Variants in ABHD13 observed in about 807,000 individuals in gnomAD.
ABHD13 encodes abhydrolase domain containing 13.
In ABHD13, 7 loss-of-function variants were observed where a neutral mutation model predicts 25.2. That is an observed-to-expected ratio of 0.28 (90% CI 0.16 to 0.52). The LOEUF (loss-of-function observed/expected upper bound fraction) is 0.52. ABHD13 is among the 20% of genes least tolerant of loss of function. ABHD13 has a pLI of 0.96. For synonymous variants in ABHD13, 133 were observed against 136.1 expected, an observed-to-expected ratio of 0.98 and a Z score of 0.16; for missense variants, 302 against 402.7, an observed-to-expected ratio of 0.75 and a Z score of 2.14.
At chr13:108,221,895 G>A (rs1166179323) in intron 1 of ABHD13, among the ~76,000 whole-genome samples, 1 of 151,240 alleles carries the variant, frequency 6.6e-6, no homozygotes, top group African/African-American at 2.4e-5. Context: ...TTGGAGTGCA[G>A]TGGCACGATC....
chr13:108,228,526 T>A (rs1879719909), intron 1 of ABHD13, among the ~76,000 whole-genome samples: 1 of 151,920 alleles, frequency 6.6e-6, no homozygotes, highest in African/African-American at 2.4e-5. Context: ...TTTAAGCAAA[T>A]TATTTAAGTT....
At position 108,229,250 on chromosome 13, in the gene ABHD13, T is replaced by C. The variant is rs1206257094; in HGVS notation, c.32T>C (p.Val11Ala). The C allele has an allele frequency of 6.4e-7, 1 of 1,569,272 alleles. No homozygotes were observed. The highest frequency in any genetic ancestry group is 1.4e-5 in the African/African-American group (1 of 72,912). Residue 11 changes from valine to alanine, a missense_variant, in exon 2 of 2, where the codon GTT (valine) becomes GCT (alanine). By Grantham distance (64) the Val-to-Ala change is moderately conservative. Coordinates refer to ENST00000375898, the MANE Select transcript of ABHD13 (RefSeq NM_032859.3). The surrounding 1 kb of genome is among the most constrained non-coding windows in gnomAD (Gnocchi z 4.7). MEKSWMLWNFVERWLIALASW... is the reference protein window; with the variant it reads MEKSWMLWNFAERWLIALASW... Reference sequence around the variant, plus strand: ...AAGTCCTGGATGCTGTGGAACTTTGTTGAAAGATGGCTAATAGCCTTGGCT... The same window carrying C: ...AAGTCCTGGATGCTGTGGAACTTTGCTGAAAGATGGCTAATAGCCTTGGCT...
chr13:108,218,865 G>A (rs1879463232), intron 1 of ABHD13, among the ~76,000 whole-genome samples: 1 of 151,990 alleles, frequency 6.6e-6, no homozygotes, highest in Admixed American at 6.5e-5. Flanking sequence ...AGCCCGGGGT[G>A]CAGCCCTGCC....
In ABHD13 at chr13:108,231,992, G is replaced by A. The variant is rs1268948043; in HGVS notation, c.*1760G>A. Reference sequence around the variant, plus strand: ...TTAAAGATTATTCTTGTCAGTCCTTGCTATGTAGAATGACTATTCTAAATA... The same window carrying A: ...TTAAAGATTATTCTTGTCAGTCCTTACTATGTAGAATGACTATTCTAAATA... On this transcript the variant is annotated 3_prime_UTR_variant, in exon 2 of 2. Transcript: ENST00000375898. The A allele has an allele frequency of 6.0e-6, 1 of 166,608 alleles. No homozygotes were observed. The highest frequency in any genetic ancestry group is 2.4e-5 in the African/African-American group (1 of 41,356). 10.3% of individuals were successfully genotyped at this position (166,608 alleles called of 1,614,324 possible).
intron 1 of ABHD13, among the ~76,000 whole-genome samples, chr13:108,224,733 GA>G (rs1217330411): frequency 1.3e-5 from 2 of 152,058 alleles, no homozygotes; most frequent in Non-Finnish European, 2.9e-5. Flanking sequence ...ACCCGTCATG[GA>G]CTTAAATTTA....
intron 1 of ABHD13, among the ~76,000 whole-genome samples, chr13:108,223,392 T>C (rs565196584): frequency 2.6e-5 from 4 of 152,382 alleles, no homozygotes; most frequent in African/African-American, 9.6e-5. Context: ...AATTCAAATG[T>C]ATTTCAATAC....
chr13:108,221,622 TA>T (rs2139008819), intron 1 of ABHD13, among the ~76,000 whole-genome samples: 1 of 152,310 alleles, frequency 6.6e-6, no homozygotes, highest in Admixed American at 6.5e-5. Flanking sequence ...TTCCCAAAAT[TA>T]TCAATCTAGG....
chr13:108,218,783 G>T (rs1347754343), intron 1 of ABHD13, 124 bp downstream of exon 1: 2 of 151,520 alleles, frequency 1.3e-5, no homozygotes, highest in African/African-American at 4.9e-5. Flanking sequence ...AGGCTGTGGG[G>T]GGAGCCCCGG....
rs1879835156 is a variant in ABHD13 at position 108,232,779 on chromosome 13, G to T, written c.*2547G>T. 1 of 166,700 alleles carries T rather than the reference G, an allele frequency of 6.0e-6. No individual in the cohort carries two copies. The highest frequency in any genetic ancestry group is 1.5e-5 in the Non-Finnish European group (1 of 67,976). 10.3% of individuals were successfully genotyped at this position (166,700 alleles called of 1,614,324 possible). A position where few individuals can be genotyped will look rare whatever the true frequency, so the allele number is the denominator to read the frequency against. On this transcript the variant is annotated 3_prime_UTR_variant, in exon 2 of 2. Coordinates refer to ENST00000375898, the MANE Select transcript of ABHD13 (RefSeq NM_032859.3). ...AAAATCTCACATCCATTATTTTAAA[G>T]GGAATGATTGGGGGGAAAAACTGGT...
chr13:108,229,415 A>G lies in ABHD13; in HGVS notation c.197A>G (p.Tyr66Cys). The change falls in exon 2 of 2, where the codon TAT (tyrosine) becomes TGT (cysteine). Residue 66 changes from tyrosine to cysteine, a missense_variant. Physicochemically the swap from Tyr to Cys is radical, Grantham distance 194. Coordinates refer to ENST00000375898, the MANE Select transcript of ABHD13 (RefSeq NM_032859.3). This position sits in a 1 kb window ranked among gnomAD's most constrained non-coding sequence, Gnocchi z 4.7. ...TATAAATTCCAGGATGTATTGCTTT[A>G]TTTTCCAGAACAGCCATCCTCTTCA... is the stretch of plus-strand genomic sequence containing the variant. ...ILYKFQDVLL[Y>C]FPEQPSSSRL... The G allele has an allele frequency of 6.2e-7, 1 of 1,612,418 alleles. No homozygotes were observed. Among genetic ancestry groups the G allele is most frequent in the Non-Finnish European group, 8.5e-7 (1 of 1,179,228 alleles).
At position 108,231,973 on chromosome 13, in the gene ABHD13, A is replaced by T. The variant is rs1879814358; in HGVS notation, c.*1741A>T. The T allele has an allele frequency of 6.0e-6, 1 of 166,888 alleles. No individual in the cohort carries two copies. Among genetic ancestry groups the T allele is most frequent in the African/African-American group, 2.4e-5 (1 of 41,446 alleles). 10.3% of individuals were successfully genotyped at this position (166,888 alleles called of 1,614,324 possible). On this transcript the variant is annotated 3_prime_UTR_variant, in exon 2 of 2. Transcript: ENST00000375898. ...ATGTATAAATTCACCACAATTAAAGATTATTCTTGTCAGTCCTTGCTATGT... is the reference window on the plus strand; with the variant it reads ...ATGTATAAATTCACCACAATTAAAGTTTATTCTTGTCAGTCCTTGCTATGT...
chr13:108,223,056 T>A (rs956265596), intron 1 of ABHD13, among the ~76,000 whole-genome samples: 2 of 152,264 alleles, frequency 1.3e-5, no homozygotes, highest in Non-Finnish European at 2.9e-5. Context: ...TCAGAGAAAT[T>A]GTTGTCTCTT....
At position 108,229,559 on chromosome 13, in the gene ABHD13, C is replaced by G; in HGVS notation, c.341C>G (p.Ser114Cys). The G allele has an allele frequency of 1.2e-6, 2 of 1,613,296 alleles. No individual in the cohort carries two copies. Among genetic ancestry groups the G allele is most frequent in the Non-Finnish European group, 1.7e-6 (2 of 1,179,554 alleles). Residue 114 changes from serine to cysteine, a missense_variant, in exon 2 of 2, where the codon TCC becomes TGC. Ser to Cys is a moderately radical substitution (Grantham distance 112). Coordinates refer to ENST00000375898, the MANE Select transcript of ABHD13 (RefSeq NM_032859.3). The surrounding 1 kb of genome is among the most constrained non-coding windows in gnomAD (Gnocchi z 4.7). Reference sequence around the variant, plus strand: ...TACACTGGAGACAATTCACCCTATTCCCCAACTATAATTTATTTTCATGGG... The same window carrying G: ...TACACTGGAGACAATTCACCCTATTGCCCAACTATAATTTATTTTCATGGG... ...IRYTGDNSPY[S>C]PTIIYFHGNA...
chr13:108,223,352 T>C lies in ABHD13; in HGVS notation c.-21+4693T>C, dbSNP rs552354871. 2.6e-5 allele frequency among the ~76,000 whole-genome samples: 4 copies of C among 152,366 alleles called. No individual in the cohort carries two copies. The South Asian group carries it at 8.3e-4, about 32-fold the overall frequency. On this transcript the variant is annotated intron_variant, in intron 1 of 1. Transcript: ENST00000375898. ...TTGTCTTTTTAAATAAAAATGTTGT[T>C]ACCTGAACAAAGCAGCTAGTTCAGC...
chr13:108,219,813 G>A (rs1327813100), intron 1 of ABHD13, among the ~76,000 whole-genome samples: 2 of 152,144 alleles, frequency 1.3e-5, no homozygotes, highest in African/African-American at 4.8e-5. Context: ...GAGGGAATAG[G>A]GGTCCAAGGA....
rs980083990 is a variant in ABHD13 at position 108,233,269 on chromosome 13, G to A, written c.*3037G>A. On this transcript the variant is annotated 3_prime_UTR_variant, in exon 2 of 2. Transcript: ENST00000375898. ...ATATATTAATTTCTTATGTTTGTAA[G>A]TTTGGCTTTGTGGGAATAGGTGTGG... 1.2e-5 allele frequency: 2 copies of A among 166,738 alleles called. No individual in the cohort carries two copies. The highest frequency in any genetic ancestry group is 2.9e-5 in the Non-Finnish European group (2 of 67,978). The allele number at this position is 166,738 out of a possible 1,614,324, so 10.3% of individuals were successfully genotyped here. A position where few individuals can be genotyped will look rare whatever the true frequency, so the allele number is the denominator to read the frequency against.
chr13:108,224,349 C>T (rs1264068963), intron 1 of ABHD13, among the ~76,000 whole-genome samples: 5 of 152,246 alleles, frequency 3.3e-5, no homozygotes, highest in South Asian at 2.1e-4. Flanking sequence ...CCATCTCTTA[C>T]GGAAGAGGCT....
At chr13:108,222,905 AAGTC>A (rs372552168) in intron 1 of ABHD13, among the ~76,000 whole-genome samples, 6 of 152,216 alleles carry the variant, frequency 3.9e-5, no homozygotes, top group Admixed American at 2.0e-4. Context: ...AACATGAAGA[AAGTC>A]AGGCTCACAC....
chr13:108,222,289 G>T (rs556068390), intron 1 of ABHD13, among the ~76,000 whole-genome samples: 103 of 151,900 alleles, frequency 6.8e-4, no homozygotes, highest in Non-Finnish European at 1.3e-3. Flanking sequence ...TAACCTTACG[G>T]CAATAATTAC....
Sources: allele counts gnomAD v4.1 joint callset (sites outside exome capture counted in the v4.1 genomes callset), GRCh38; gene constraint gnomAD v4.1.1; non-coding constraint Gnocchi (gnomAD v3.1); transcripts MANE v1.5; gene names NCBI Gene and HGNC (gene_info 2026-07-23, HGNC 2026-07-21).